The following TTC21B variants were observed in gnomAD, a reference collection of about 807,000 sequenced individuals.
TTC21B encodes tetratricopeptide repeat domain 21B.
In TTC21B, 127 loss-of-function variants were observed where a neutral mutation model predicts 175.1. The observed-to-expected ratio is 0.73, with a 90% CI of 0.63 to 0.84. The LOEUF is 0.84. Among genes scored for constraint, TTC21B ranks in the 40% least tolerant of loss-of-function variants. The pLI is 0.00. For synonymous variants in TTC21B, 524 were observed against 524.5 expected (o/e 1.00, Z 0.01); for missense variants, 1,561 against 1,558.3 (o/e 1.00, Z -0.03).
At chr2:165,910,201 A>G (rs1685882305) in intron 18 of TTC21B, among the ~76,000 whole-genome samples, 1 of 152,150 alleles carries the variant, frequency 6.6e-6, no homozygotes, top group Non-Finnish European at 1.5e-5. Context: ...CAGGAGATCG[A>G]GACTGTCCTG....
intron 22 of TTC21B, 72 bp from the exon 23 acceptor site, chr2:165,891,060 C>T (rs1429472208): frequency 7.8e-7 from 1 of 1,282,432 alleles, no homozygotes; most frequent in Non-Finnish European, 1.1e-6. Flanking sequence ...AATTCTACTT[C>T]ATTAGAGTAT....
At chr2:165,886,642 T>C (rs1559039658) in intron 25 of TTC21B, among the ~76,000 whole-genome samples, 1 of 152,130 alleles carries the variant, frequency 6.6e-6, no homozygotes, top group African/African-American at 2.4e-5. Context: ...AATAACACAG[T>C]CTTATCAACA....
chr2:165,943,355 A>T lies in TTC21B; in HGVS notation c.430-14T>A. 1 of 1,587,400 alleles carries T rather than the reference A, an allele frequency of 6.3e-7. No homozygotes were observed. Among genetic ancestry groups the T allele is most frequent in the Non-Finnish European group, 8.6e-7 (1 of 1,158,712 alleles). ...CAAAACGTGTCCCTGTAAAATGAATAATTCTATTTTTACTTTTTTAGAAAT... is the reference window on the plus strand; with the variant it reads ...CAAAACGTGTCCCTGTAAAATGAATTATTCTATTTTTACTTTTTTAGAAAT... On this transcript the variant is annotated splice_polypyrimidine_tract_variant and intron_variant, in intron 4 of 28. Coordinates refer to ENST00000243344, the MANE Select transcript of TTC21B (RefSeq NM_024753.5).
At chr2:165,891,595 ATTC>A in intron 22 of TTC21B, among the ~76,000 whole-genome samples, 1 of 152,062 alleles carries the variant, frequency 6.6e-6, no homozygotes, top group African/African-American at 2.4e-5. Context: ...TCATTCATTC[ATTC>A]ATTCATTCAT....
rs1686962224 is a variant in TTC21B, at chr2:165,932,854, G to T, written c.795+119C>A. The T allele has an allele frequency of 1.5e-5, 13 of 878,494 alleles. No individual in the cohort carries two copies. In the South Asian group the frequency reaches 1.9e-4, roughly 13 times the overall value. The allele number at this position is 878,494 out of a possible 1,614,324, so 54.4% of individuals were successfully genotyped here. A position where few individuals can be genotyped will look rare whatever the true frequency, so the allele number is the denominator to read the frequency against. Reference sequence around the variant, plus strand: ...GTAATCAACTAAAAACTACCATGATGTATATTTTAAAAGAGAACTTCAAGG... The same window carrying T: ...GTAATCAACTAAAAACTACCATGATTTATATTTTAAAAGAGAACTTCAAGG... On this transcript the variant is annotated intron_variant, in intron 7 of 28. Transcript: ENST00000243344.
At chr2:165,906,176 G>C (rs1685723594) in intron 19 of TTC21B, among the ~76,000 whole-genome samples, 2 of 141,864 alleles carry the variant, frequency 1.4e-5, no homozygotes, top group African/African-American at 5.2e-5. Context: ...AGTGTTGAGA[G>C]AGAAATTTAC....
chr2:165,929,287 G>A lies in TTC21B; in HGVS notation c.1234C>T (p.Gln412Ter). 1 of 1,612,342 alleles carries A rather than the reference G, an allele frequency of 6.2e-7. No homozygotes were observed. The highest frequency in any genetic ancestry group is 1.1e-5 in the South Asian group (1 of 90,996). ...TTTAACAAATTAATAACTTCTTCTT[G>A]TCGTTTATTTTTCTTCATGGCAAGA... ...AVLAMKKNKR[Q>*]EEVINLLNDV... The change falls in exon 11 of 29, where the codon CAA (glutamine) becomes TAA (stop). Residue 412 changes from glutamine to a stop codon, truncating the protein, a stop_gained. Transcript: ENST00000243344. LOFTEE classifies it high-confidence loss of function.
At chr2:165,915,108 T>G (rs1465741507) in intron 15 of TTC21B, 93 bp downstream of exon 15, 4 of 1,003,766 alleles carry the variant, frequency 4.0e-6, no homozygotes, top group Non-Finnish European at 6.3e-6. Context: ...GTAAAGTATT[T>G]GTGAAGCAGT....
At chr2:165,935,585 C>T (rs1171597794) in intron 6 of TTC21B, among the ~76,000 whole-genome samples, 1 of 151,938 alleles carries the variant, frequency 6.6e-6, no homozygotes, top group Non-Finnish European at 1.5e-5. Context: ...TTAAAAAAAA[C>T]TCCTGGAATC....
At chr2:165,886,110 CCTGA>C (rs1684990528) in intron 25 of TTC21B, among the ~76,000 whole-genome samples, 1 of 152,106 alleles carries the variant, frequency 6.6e-6, no homozygotes, top group African/African-American at 2.4e-5. Context: ...TTTCTGCCTC[CCTGA>C]CTTTGTTCAC....
intron 25 of TTC21B, 32 bp downstream of exon 25, chr2:165,888,247 C>G (rs202066872): frequency 7.5e-6 from 11 of 1,475,588 alleles, no homozygotes; most frequent in Non-Finnish European, 9.5e-6. Flanking sequence ...AATAAAGATA[C>G]CACATGAAGC....
intron 6 of TTC21B, among the ~76,000 whole-genome samples, chr2:165,937,303 G>T (rs1278687860): frequency 6.6e-6 from 1 of 151,912 alleles, no homozygotes; most frequent in Non-Finnish European, 1.5e-5. Flanking sequence ...GATATATAGC[G>T]GATACACAAT....
chr2:165,883,721 C>T, intron 26 of TTC21B, 73 bp downstream of exon 26: 3 of 1,182,680 alleles, frequency 2.5e-6, no homozygotes, highest in African/African-American at 3.0e-5. Flanking sequence ...AATGGACTAA[C>T]ACTCAACAAT....
chr2:165,890,735 A>G, intron 23 of TTC21B, 95 bp from the exon 24 acceptor site: 1 of 1,544,224 alleles, frequency 6.5e-7, no homozygotes, highest in East Asian at 2.3e-5. Flanking sequence ...CTGTTGAATT[A>G]TTTTGAAATG....
intron 10 of TTC21B, 132 bp downstream of exon 10, chr2:165,929,518 A>C: frequency 1.1e-6 from 1 of 877,738 alleles, no homozygotes; most frequent in Non-Finnish European, 1.8e-6. Flanking sequence ...ATGGAGGTAA[A>C]TAAATGCAAT....
chr2:165,899,217 A>T (rs1685470769), intron 21 of TTC21B, among the ~76,000 whole-genome samples: 1 of 152,228 alleles, frequency 6.6e-6, no homozygotes. Flanking sequence ...GTGTTTAAAA[A>T]TGCAGATTTC....
intron 20 of TTC21B, among the ~76,000 whole-genome samples, 196 bp from the exon 21 acceptor site, chr2:165,900,076 AC>A (rs1214548232): frequency 6.6e-6 from 1 of 151,716 alleles, no homozygotes; most frequent in Non-Finnish European, 1.5e-5. Context: ...AAAAAAAAAA[AC>A]AGAGAAACAG....
chr2:165,916,274 GTAAA>G (rs895199795), intron 14 of TTC21B, among the ~76,000 whole-genome samples: 1 of 152,080 alleles, frequency 6.6e-6, no homozygotes, highest in African/African-American at 2.4e-5. Context: ...AAAAAATACA[GTAAA>G]TAAATGGAAA....
chr2:165,928,010 A>G (rs905651975), intron 11 of TTC21B, among the ~76,000 whole-genome samples: 2 of 152,184 alleles, frequency 1.3e-5, no homozygotes, highest in South Asian at 4.1e-4. Context: ...TCTGCTTACT[A>G]TCTGTAATAA....
Sources: allele counts gnomAD v4.1 joint callset (sites outside exome capture counted in the v4.1 genomes callset), GRCh38; gene constraint gnomAD v4.1.1; transcripts MANE v1.5; gene names NCBI Gene and HGNC (gene_info 2026-07-23, HGNC 2026-07-21).